Variants in GRM1 observed in about 807,000 individuals in gnomAD.
The protein encoded by GRM1 is metabotropic glutamate receptor 1.
Under a neutral mutation model 90.9 loss-of-function variants are expected in GRM1, and 33 were observed. The observed-to-expected ratio is 0.36, with a 90% CI of 0.28 to 0.49. GRM1 has a LOEUF of 0.49. Among genes scored for constraint, GRM1 ranks in the 20% least tolerant of loss-of-function variants. The pLI, the probability that GRM1 is intolerant of heterozygous loss-of-function variation, is 0.99. For synonymous variants in GRM1, 700 were observed against 613.2 expected (o/e 1.14, Z -2.09); for missense variants, 1,190 against 1,534.3 (o/e 0.78, Z 3.75).
chr6:146,416,621 TCCCCA>T (rs1201268340), intron 7 of GRM1, among the ~76,000 whole-genome samples: 1 of 152,188 alleles, frequency 6.6e-6, no homozygotes, highest in East Asian at 1.9e-4. Context: ...TATCTATGTA[TCCCCA>T]TATGTTTCTC....
chr6:146,102,256 C>G (rs1777077044), intron 1 of GRM1, among the ~76,000 whole-genome samples: 1 of 152,188 alleles, frequency 6.6e-6, no homozygotes. Flanking sequence ...ATGATATCCT[C>G]TCCCACAACA....
chr6:146,159,641 T>TCTCTCA (rs372590505), intron 2 of GRM1, 44 bp downstream of exon 2: 75 of 728,530 alleles, frequency 1.0e-4, no homozygotes, highest in South Asian at 1.0e-3. Flanking sequence ...TCTCTCTCTC[T>TCTCTCA]CACACACACA....
chr6:146,308,109 C>T (rs1281528870), intron 3 of GRM1, among the ~76,000 whole-genome samples: 1 of 152,160 alleles, frequency 6.6e-6, no homozygotes, highest in East Asian at 1.9e-4. Flanking sequence ...AGATTTGTAT[C>T]ATGTTTGCAA....
At chr6:146,390,489 G>A (rs75392604) in intron 6 of GRM1, among the ~76,000 whole-genome samples, 738 of 151,426 alleles carry the variant, frequency 4.9e-3, no homozygotes, top group Non-Finnish European at 8.3e-3. Context: ...TTAACAATTT[G>A]TGGACCAATT....
intron 6 of GRM1, among the ~76,000 whole-genome samples, chr6:146,394,089 C>T (rs942297133): frequency 1.3e-5 from 2 of 152,168 alleles, no homozygotes; most frequent in Non-Finnish European, 2.9e-5. Context: ...GAACCTCTTC[C>T]TTACACCTTA....
chr6:146,103,414 A>T (rs1777115445), intron 1 of GRM1, among the ~76,000 whole-genome samples: 1 of 152,174 alleles, frequency 6.6e-6, no homozygotes, highest in Non-Finnish European at 1.5e-5. Context: ...CAGCTCTGTC[A>T]CACTCTCTTG....
intron 1 of GRM1, among the ~76,000 whole-genome samples, chr6:146,080,203 T>C (rs1776317502): frequency 6.6e-6 from 1 of 152,182 alleles, no homozygotes; most frequent in Non-Finnish European, 1.5e-5. Flanking sequence ...TGGAGGGTGA[T>C]ATAGCAATTA....
intron 2 of GRM1, among the ~76,000 whole-genome samples, chr6:146,224,545 C>T (rs1489066085): frequency 1.3e-5 from 2 of 152,062 alleles, no homozygotes; most frequent in African/African-American, 4.8e-5. Flanking sequence ...TTTCTTCTAA[C>T]CTTAAGTGAC....
chr6:146,255,871 C>G (rs1387799448), intron 2 of GRM1, among the ~76,000 whole-genome samples: 2 of 152,112 alleles, frequency 1.3e-5, no homozygotes, highest in African/African-American at 4.8e-5. Flanking sequence ...TGTCTCTAAT[C>G]AAGCATTCAC....
chr6:146,356,712 A>T (rs1053661434), intron 4 of GRM1, among the ~76,000 whole-genome samples: 17 of 152,228 alleles, frequency 1.1e-4, no homozygotes, highest in African/African-American at 4.1e-4. Context: ...ATCTACTGTT[A>T]AAATGTTAGA....
chr6:146,413,341 A>C (rs1260771016), intron 7 of GRM1, among the ~76,000 whole-genome samples: 1 of 152,128 alleles, frequency 6.6e-6, no homozygotes, highest in African/African-American at 2.4e-5. Flanking sequence ...ATTTTACTAG[A>C]ACAATTATTG....
At chr6:146,067,338 T>C (rs768032293) in intron 1 of GRM1, among the ~76,000 whole-genome samples, 2 of 152,222 alleles carry the variant, frequency 1.3e-5, no homozygotes, top group African/African-American at 2.4e-5. Flanking sequence ...GTAGGCAGTG[T>C]ATAAACTAAA....
intron 7 of GRM1, among the ~76,000 whole-genome samples, chr6:146,424,507 C>T (rs1404922539): frequency 6.6e-6 from 1 of 152,192 alleles, no homozygotes; most frequent in Non-Finnish European, 1.5e-5. Flanking sequence ...CTCCAATCTC[C>T]CAGCGCATGC....
At chr6:146,312,251 G>A (rs1470498492) in intron 3 of GRM1, among the ~76,000 whole-genome samples, 5 of 141,036 alleles carry the variant, frequency 3.5e-5, no homozygotes, top group African/African-American at 1.3e-4. Context: ...TGAGGCAGGA[G>A]AATGGCGTGA....
chr6:146,159,688 T>C, intron 2 of GRM1, 91 bp downstream of exon 2: 1 of 1,299,150 alleles, frequency 7.7e-7, no homozygotes, highest in African/African-American at 1.5e-5. Context: ...TATGCTTGCT[T>C]TCACAAAACT....
chr6:146,140,272 A>G (rs1335437925), intron 1 of GRM1, among the ~76,000 whole-genome samples: 1 of 145,578 alleles, frequency 6.9e-6, no homozygotes, highest in East Asian at 2.0e-4. Context: ...TATTATTATG[A>G]TTATTATTAT....
At chr6:146,117,336 A>G (rs1268407575) in intron 1 of GRM1, among the ~76,000 whole-genome samples, 1 of 151,772 alleles carries the variant, frequency 6.6e-6, no homozygotes, top group Non-Finnish European at 1.5e-5. Flanking sequence ...ATATATGGCT[A>G]TTACTCCCTT....
chr6:146,121,659 G>A (rs1325127828), intron 1 of GRM1, among the ~76,000 whole-genome samples: 1 of 152,152 alleles, frequency 6.6e-6, no homozygotes, highest in Non-Finnish European at 1.5e-5. Context: ...TGGTTTCAAA[G>A]AACATCTTTA....
At chr6:146,293,550 G>A (rs1331568018) in intron 2 of GRM1, among the ~76,000 whole-genome samples, 1 of 151,832 alleles carries the variant, frequency 6.6e-6, no homozygotes, top group African/African-American at 2.4e-5. Context: ...AGTGATATTG[G>A]CATATATTTT....
Sources: allele counts gnomAD v4.1 joint callset (sites outside exome capture counted in the v4.1 genomes callset), GRCh38; gene constraint gnomAD v4.1.1; transcripts MANE v1.5; gene names NCBI Gene and HGNC (gene_info 2026-07-23, HGNC 2026-07-21).